The following PRG4 variants were observed in gnomAD, a reference collection of about 807,000 sequenced individuals.
PRG4 encodes proteoglycan 4.
PRG4 carries 61 observed loss-of-function variants against 91.2 expected under a neutral mutation model. The observed-to-expected ratio is 0.67, with a 90% CI of 0.54 to 0.83. The LOEUF (loss-of-function observed/expected upper bound fraction) is 0.83, where lower values mean the gene tolerates loss of function less well. Ranked by LOEUF, PRG4 falls within the 40% of genes least tolerant of loss-of-function variation. The pLI is 0.00. For synonymous variants in PRG4, 576 were observed against 614.2 expected, an observed-to-expected ratio of 0.94 and a Z score of 0.92; for missense variants, 1,564 against 1,714.2, an observed-to-expected ratio of 0.91 and a Z score of 1.55.
chr1:186,310,897 T>A lies in PRG4; in HGVS notation c.3500-137T>A. On this transcript the variant is annotated intron_variant, in intron 8 of 12. Coordinates refer to ENST00000445192, the MANE Select transcript of PRG4 (RefSeq NM_005807.6). ...GGGAAATACCTGCTCTCAGAAATGT[T>A]CAAATACTACCTTTTGTATCTGACT... is the stretch of plus-strand genomic sequence containing the variant. The A allele has an allele frequency of 5.3e-6, 5 of 948,260 alleles. No individual in the cohort carries two copies. In the South Asian group the frequency reaches 7.8e-5, roughly 15 times the overall value. 58.7% of individuals were successfully genotyped at this position (948,260 alleles called of 1,614,324 possible). A position where few individuals can be genotyped will look rare whatever the true frequency, so the allele number is the denominator to read the frequency against.
chr1:186,304,399 CTT>C, intron 5 of PRG4, 142 bp downstream of exon 5: 1 of 1,023,684 alleles, frequency 9.8e-7, no homozygotes, highest in Non-Finnish European at 1.5e-6. Flanking sequence ...TTAGACTTTG[CTT>C]TTAAGTAAAG....
At position 186,306,606 on chromosome 1, in the gene PRG4, C is replaced by T. The variant is rs764126841; in HGVS notation, c.887C>T (p.Thr296Ile). The T allele has an allele frequency of 1.2e-6, 2 of 1,613,310 alleles. No homozygotes were observed. The highest frequency in any genetic ancestry group is 1.7e-6 in the Non-Finnish European group (2 of 1,179,588). Reference sequence around the variant, plus strand: ...GAAACTACTACAACAAATAAACAGACTTCAACTGATGGAAAAGAGAAGACT... The same window carrying T: ...GAAACTACTACAACAAATAAACAGATTTCAACTGATGGAAAAGAGAAGACT... ...TKETTTTNKQTSTDGKEKTTS... is the reference protein window; with the variant it reads ...TKETTTTNKQISTDGKEKTTS... Residue 296 changes from threonine (T) to isoleucine (I), a missense_variant, in exon 7 of 13, where the codon ACT (threonine) becomes ATT (isoleucine). This residue lies in a region of PRG4 where 437 missense variants were observed against 459.0 expected (regional missense o/e 0.95). Coordinates refer to ENST00000445192, the MANE Select transcript of PRG4 (RefSeq NM_005807.6).
chr1:186,300,311 C>A, intron 3 of PRG4, 98 bp downstream of exon 3: 1 of 1,507,878 alleles, frequency 6.6e-7, no homozygotes, highest in Non-Finnish European at 9.2e-7. Flanking sequence ...CTGAGCCTCC[C>A]CTTGCACCCA....
In PRG4 at chr1:186,314,427, C is replaced by A. The variant is rs1211238840; in HGVS notation, c.*649C>A. ...AATCAATAAATATAAAATATAAGCACATATTTATTATATATCTAAGGTATA... is the reference window on the plus strand; with the variant it reads ...AATCAATAAATATAAAATATAAGCAAATATTTATTATATATCTAAGGTATA... On this transcript the variant is annotated 3_prime_UTR_variant, in exon 13 of 13. Coordinates refer to ENST00000445192, the MANE Select transcript of PRG4 (RefSeq NM_005807.6). 1 of 383,404 alleles carries A rather than the reference C, an allele frequency of 2.6e-6. No individual in the cohort carries two copies. Among genetic ancestry groups the A allele is most frequent in the Admixed American group, 4.1e-5 (1 of 24,152 alleles). 23.8% of individuals were successfully genotyped at this position (383,404 alleles called of 1,614,324 possible).
rs1035179786 is a variant in PRG4 at position 186,307,828 on chromosome 1, G to A, written c.2109G>A (p.Glu703=). ...PKEPAPTTPK[E]TAPTTPKGTA... Reference sequence around the variant, plus strand: ...AGCCTGCTCCAACTACCCCTAAGGAGACTGCTCCAACTACCCCTAAAGGGA... The same window carrying A: ...AGCCTGCTCCAACTACCCCTAAGGAAACTGCTCCAACTACCCCTAAAGGGA... Residue 703 remains glutamate (E), a synonymous_variant, in exon 7 of 13, where the codon GAG becomes GAA. Coordinates refer to ENST00000445192, the MANE Select transcript of PRG4 (RefSeq NM_005807.6). 1.9e-6 allele frequency: 3 copies of A among 1,606,480 alleles called. No individual in the cohort carries two copies. In the South Asian group the frequency reaches 3.3e-5, roughly 18 times the overall value.
intron 4 of PRG4, among the ~76,000 whole-genome samples, chr1:186,303,175 T>A (rs1656327767): frequency 6.6e-6 from 1 of 152,188 alleles, no homozygotes; most frequent in Non-Finnish European, 1.5e-5. Context: ...GCCATCCAAG[T>A]GCCTCTGAAT....
chr1:186,314,421 T>C lies in PRG4; in HGVS notation c.*643T>C, dbSNP rs1162211991. The C allele has an allele frequency of 5.3e-6, 2 of 377,482 alleles. No individual in the cohort carries two copies. Among genetic ancestry groups the C allele is most frequent in the East Asian group, 8.7e-5 (2 of 22,976 alleles). 23.4% of individuals were successfully genotyped at this position (377,482 alleles called of 1,614,324 possible). ...GGAAGAAATCAATAAATATAAAATA[T>C]AAGCACATATTTATTATATATCTAA... On this transcript the variant is annotated 3_prime_UTR_variant, in exon 13 of 13. Coordinates refer to ENST00000445192, the MANE Select transcript of PRG4 (RefSeq NM_005807.6).
At position 186,308,689 on chromosome 1, in the gene PRG4, G is replaced by A. The variant is rs116919770; in HGVS notation, c.2970G>A (p.Lys990=). 447 of 1,611,196 alleles carry A rather than the reference G, an allele frequency of 2.8e-4. 3 individuals are homozygous for A. In the East Asian group the frequency reaches 4.8e-3, roughly 17 times the overall value. The part of the protein sequence containing the change: ...TLAPKVTTTK[K]TITTTEIMNK... ...CACCCAAAGTAACTACAACAAAAAA[G>A]ACAATTACTACCACTGAGATTATGA... The change falls in exon 7 of 13, where the codon AAG becomes AAA. Residue 990 remains lysine, a synonymous_variant. Transcript: ENST00000445192.
intron 6 of PRG4, among the ~76,000 whole-genome samples, chr1:186,305,260 T>C (rs1448346678): frequency 6.6e-6 from 1 of 152,232 alleles, no homozygotes; most frequent in Admixed American, 6.5e-5. Context: ...TGCATTTTCA[T>C]TTTCCCTTCC....
At chr1:186,298,804 C>T (rs976723342) in intron 2 of PRG4, among the ~76,000 whole-genome samples, 1 of 152,122 alleles carries the variant, frequency 6.6e-6, no homozygotes, top group Non-Finnish European at 1.5e-5. Context: ...TATAAAAGAG[C>T]AATCTCTTGA....
intron 2 of PRG4, among the ~76,000 whole-genome samples, chr1:186,299,390 C>A (rs189478999): frequency 6.6e-6 from 1 of 152,170 alleles, no homozygotes; most frequent in Admixed American, 6.5e-5. Context: ...GTGCAACCAG[C>A]GTGCTTTAAA....
chr1:186,309,935 C>A, intron 8 of PRG4, 65 bp downstream of exon 8: 1 of 1,385,554 alleles, frequency 7.2e-7, no homozygotes, highest in Non-Finnish European at 1.0e-6. Context: ...AGAACCAAAG[C>A]CGTGGAAGAG....
chr1:186,310,716 G>C (rs531597983), intron 8 of PRG4, among the ~76,000 whole-genome samples: 27 of 145,502 alleles, frequency 1.9e-4, no homozygotes, highest in Non-Finnish European at 4.0e-4. Context: ...TGTCCACGCT[G>C]GTCTCAAACT....
At position 186,300,213 on chromosome 1, in the gene PRG4, G is replaced by T. The variant is rs748098875; in HGVS notation, c.199G>T (p.Glu67Ter). 1 of 1,613,868 alleles carries T rather than the reference G, an allele frequency of 6.2e-7. No homozygotes were observed. The highest frequency in any genetic ancestry group is 8.5e-7 in the Non-Finnish European group (1 of 1,180,020). The change falls in exon 3 of 13, where the codon GAG becomes TAG. Residue 67 changes from glutamate to a stop codon, truncating the protein, a stop_gained and splice_region_variant. Transcript: ENST00000445192. LOFTEE classifies it high-confidence loss of function. ...TGATTTCAAGAGAGTCTGCACTGCG[G>T]GTAAGTCCTGAGAGCGGGTGTCTCC... ...CPDFKRVCTA[E>*]LSCKGRCFES...
At chr1:186,309,211 C>G in intron 7 of PRG4, 71 bp downstream of exon 7, 1 of 1,474,854 alleles carries the variant, frequency 6.8e-7, no homozygotes, top group Non-Finnish European at 9.3e-7. Context: ...ACCAGAATGC[C>G]TTAGTTTAGT....
At chr1:186,305,026 G>A (rs1656465432) in intron 6 of PRG4, 104 bp downstream of exon 6, 3 of 1,222,628 alleles carry the variant, frequency 2.5e-6, no homozygotes, top group Non-Finnish European at 3.5e-6. Context: ...TTAATATGGG[G>A]GGGAATATAA....
In PRG4 at chr1:186,307,746, C is replaced by A; in HGVS notation, c.2027C>A (p.Thr676Asn). 1 of 1,610,408 alleles carries A rather than the reference C, an allele frequency of 6.2e-7. No individual in the cohort carries two copies. Among genetic ancestry groups the A allele is most frequent in the Non-Finnish European group, 8.5e-7 (1 of 1,178,320 alleles). Residue 676 changes from threonine (T) to asparagine (N), a missense_variant, in exon 7 of 13, where the codon ACC becomes AAC. Coordinates refer to ENST00000445192, the MANE Select transcript of PRG4 (RefSeq NM_005807.6). ...ACTCCCAAGGCAGCGGCTCCCAACA[C>A]CCCTAAGGAGCCTGCTCCAACTACC... Reference protein sequence around the residue: ...PTTPKAAAPNTPKEPAPTTPK... With the variant: ...PTTPKAAAPNNPKEPAPTTPK...
At chr1:186,302,430 A>T (rs564426409) in intron 4 of PRG4, among the ~76,000 whole-genome samples, 1 of 152,372 alleles carries the variant, frequency 6.6e-6, no homozygotes, top group African/African-American at 2.4e-5. Context: ...ATACTGGATT[A>T]CTTTCCTTTA....
intron 11 of PRG4, 42 bp downstream of exon 11, chr1:186,312,414 A>G: frequency 6.5e-7 from 1 of 1,530,626 alleles, no homozygotes; most frequent in Non-Finnish European, 8.9e-7. Flanking sequence ...AAACATAAGT[A>G]GATGTAATAC....
Sources: gnomAD v4.1 joint callset for allele counts (sites outside exome capture counted in the v4.1 genomes callset) on GRCh38, gnomAD v4.1.1 for gene constraint, gnomAD v4.1.1 regional missense constraint, MANE v1.5 for transcripts, NCBI Gene and HGNC (gene_info 2026-07-23, HGNC 2026-07-21) for gene names.